Variants in SPAG9 observed in about 807,000 individuals in gnomAD.
SPAG9 encodes the protein sperm associated antigen 9.
A neutral mutation model predicts 166.5 loss-of-function variants in SPAG9; 35 were observed. The ratio of observed to expected loss-of-function variants is 0.21; its 90% CI spans 0.16 to 0.28. The LOEUF (loss-of-function observed/expected upper bound fraction) is 0.28. Ranked by LOEUF, SPAG9 falls within the 10% of genes least tolerant of loss-of-function variation. The pLI, the probability that SPAG9 is intolerant of heterozygous loss-of-function variation, is 1.00. For missense variants in SPAG9, 1,235 were observed against 1,603.3 expected, an observed-to-expected ratio of 0.77 and a Z score of 3.92; for synonymous variants, 534 against 565.5, an observed-to-expected ratio of 0.94 and a Z score of 0.79.
chr17:51,098,753 A>G (rs950220226), intron 1 of SPAG9, among the ~76,000 whole-genome samples: 2 of 151,512 alleles, frequency 1.3e-5, no homozygotes, highest in Non-Finnish European at 2.9e-5. Context: ...CGGCCTCCCA[A>G]AGTGCTGGGA....
rs765133508 is a variant in SPAG9 at position 50,990,497 on chromosome 17, G to T, written c.2570C>A (p.Thr857Asn). ...AGAAGCACCATTTGTACTAGGGGAA[G>T]TGGCAGCTCCCGTCACACCTTCTGC... ...CSAEGVTGAA[T>N]SPSTNGASPV... The change falls in exon 20 of 30, where the codon ACT (threonine) becomes AAT (asparagine). Residue 857 changes from threonine to asparagine, a missense_variant. Transcript: ENST00000262013. 6 of 1,614,188 alleles carry T rather than the reference G, an allele frequency of 3.7e-6. No individual in the cohort carries two copies. Among genetic ancestry groups the T allele is most frequent in the South Asian group, 2.2e-5 (2 of 91,084 alleles).
intron 5 of SPAG9, among the ~76,000 whole-genome samples, chr17:51,040,782 T>C (rs966337428): frequency 2.6e-5 from 4 of 152,212 alleles, no homozygotes; most frequent in Admixed American, 1.3e-4. Context: ...ATAAGATACA[T>C]GTAACTCATT....
chr17:51,023,604 G>A (rs2046030215), intron 6 of SPAG9, among the ~76,000 whole-genome samples: 1 of 152,044 alleles, frequency 6.6e-6, no homozygotes, highest in South Asian at 2.1e-4. Flanking sequence ...AATCTCTCTA[G>A]CTCCTCTGCA....
chr17:51,054,011 C>T (rs973700073), intron 3 of SPAG9, among the ~76,000 whole-genome samples: 6 of 147,930 alleles, frequency 4.1e-5, no homozygotes, highest in Middle Eastern at 7.1e-3. Context: ...CAGTAACAGG[C>T]CTTTTAGCAA....
chr17:51,074,774 A>C (rs564044054), intron 2 of SPAG9, among the ~76,000 whole-genome samples: 1 of 152,322 alleles, frequency 6.6e-6, no homozygotes, highest in Admixed American at 6.5e-5. Flanking sequence ...AGGAATGAGA[A>C]GATGGATACC....
chr17:51,032,539 T>TG (rs1417372265), intron 5 of SPAG9, among the ~76,000 whole-genome samples: 14 of 152,208 alleles, frequency 9.2e-5, no homozygotes, highest in Admixed American at 9.2e-4. Flanking sequence ...ATGAGACGGA[T>TG]GTGTTTCTCT....
In SPAG9 at chr17:50,965,992, T is replaced by C. The variant is rs1973340313; in HGVS notation, c.*280A>G. 3.0e-6 allele frequency: 1 copy of C among 334,816 alleles called. No individual in the cohort carries two copies. Among genetic ancestry groups the C allele is most frequent in the East Asian group, 5.6e-5 (1 of 17,824 alleles). 20.7% of individuals were successfully genotyped at this position (334,816 alleles called of 1,614,324 possible). On this transcript the variant is annotated 3_prime_UTR_variant, in exon 30 of 30. Transcript: ENST00000262013. ...TTAGACTGTGGCAGAGTAAACCACATCTGGATTGCTTTCTATAATTCACCA... is the reference window on the plus strand; with the variant it reads ...TTAGACTGTGGCAGAGTAAACCACACCTGGATTGCTTTCTATAATTCACCA...
In SPAG9 at chr17:51,038,009, A is replaced by C. The variant is rs148356594; in HGVS notation, c.741+3492T>G. ...ACAAAACTCCTCTGCTTTCTTCTTG[A>C]ACTGATCTCCAAACTCGATTTGAGG... is the stretch of plus-strand genomic sequence containing the variant. On this transcript the variant is annotated intron_variant, in intron 5 of 29. Coordinates refer to ENST00000262013, the MANE Select transcript of SPAG9 (RefSeq NM_001130528.3). Among the ~76,000 whole-genome samples the C allele has an allele frequency of 7.2e-5, 11 of 152,224 alleles. No homozygotes were observed. In the East Asian group the frequency reaches 2.1e-3, roughly 29 times the overall value.
intron 25 of SPAG9, among the ~76,000 whole-genome samples, chr17:50,981,409 G>C (rs1974591941): frequency 6.6e-6 from 1 of 151,888 alleles, no homozygotes; most frequent in Non-Finnish European, 1.5e-5. Flanking sequence ...TGGATGGATG[G>C]ATGGATGGAT....
rs924257350 is a variant in SPAG9, at chr17:51,105,786, C to T, written c.303+14568G>A. Among the ~76,000 whole-genome samples the T allele has an allele frequency of 3.7e-4, 56 of 151,822 alleles. 1 individual carries two copies. The highest frequency in any genetic ancestry group is 1.2e-3 in the African/African-American group (49 of 41,384). On this transcript the variant is annotated intron_variant, in intron 1 of 29. Coordinates refer to ENST00000262013, the MANE Select transcript of SPAG9 (RefSeq NM_001130528.3). ...TCAGGAGGCTGAGGCAGGAGAATGG[C>T]GTGAACCCGGGAGATGGAGCTTGCA...
At chr17:51,098,797 G>A (rs1317022466) in intron 1 of SPAG9, among the ~76,000 whole-genome samples, 1 of 151,146 alleles carries the variant, frequency 6.6e-6, no homozygotes, top group African/African-American at 2.4e-5. Flanking sequence ...CAGCCGGATG[G>A]GTTTAAAGAA....
chr17:51,052,611 C>T (rs1297790538), intron 3 of SPAG9, among the ~76,000 whole-genome samples: 1 of 150,060 alleles, frequency 6.7e-6, no homozygotes, highest in Non-Finnish European at 1.5e-5. Context: ...CCTAGACTAT[C>T]TTTTCCTCAA....
At chr17:51,081,255 A>G (rs758300212) in intron 1 of SPAG9, among the ~76,000 whole-genome samples, 3 of 152,174 alleles carry the variant, frequency 2.0e-5, no homozygotes, top group Non-Finnish European at 4.4e-5. Flanking sequence ...TCAGCCAGCC[A>G]GCCTGTCCAA....
Position 51,107,571 on chromosome 17 carries a change from T to C in SPAG9, c.303+12783A>G, listed in dbSNP as rs140478687. ...GGCCAATATGGTAAAACCCCATCTC[T>C]ACTAAAACTACAAAAATTAGCTGGG... On this transcript the variant is annotated intron_variant, in intron 1 of 29. Transcript: ENST00000262013. 1.0e-3 allele frequency among the ~76,000 whole-genome samples: 159 copies of C among 152,030 alleles called. 1 individual carries two copies. Among genetic ancestry groups the C allele is most frequent in the African/African-American group, 3.7e-3 (153 of 41,472 alleles).
At chr17:50,994,951 G>C in intron 18 of SPAG9, 106 bp downstream of exon 18, 1 of 751,972 alleles carries the variant, frequency 1.3e-6, no homozygotes. Context: ...CAGTAAGCCA[G>C]GGCATAGTAA....
intron 29 of SPAG9, among the ~76,000 whole-genome samples, chr17:50,968,447 T>C (rs1264617663): frequency 6.6e-6 from 1 of 152,276 alleles, no homozygotes; most frequent in African/African-American, 2.4e-5. Context: ...TTATAGCAAA[T>C]AAGCTGGGTG....
intron 2 of SPAG9, among the ~76,000 whole-genome samples, chr17:51,073,117 G>C (rs536918795): frequency 1.3e-5 from 2 of 152,180 alleles, no homozygotes; most frequent in African/African-American, 4.8e-5. Flanking sequence ...CCAGAGGTCG[G>C]GAGTTTGAGG....
intron 21 of SPAG9, 78 bp downstream of exon 21, chr17:50,989,599 T>C: frequency 1.8e-6 from 2 of 1,116,586 alleles, no homozygotes; most frequent in South Asian, 2.6e-5. Context: ...GGAAATCTTT[T>C]GACTGTTTGA....
chr17:51,104,685 G>A (rs1365371014), intron 1 of SPAG9, among the ~76,000 whole-genome samples: 4 of 151,970 alleles, frequency 2.6e-5, no homozygotes, highest in African/African-American at 4.8e-5. Context: ...TGTAATCCCA[G>A]CACTTTGGAA....
Sources: gnomAD v4.1 joint callset for allele counts (sites outside exome capture counted in the v4.1 genomes callset) on GRCh38, gnomAD v4.1.1 for gene constraint, MANE v1.5 for transcripts, NCBI Gene and HGNC (gene_info 2026-07-23, HGNC 2026-07-21) for gene names.